ATP6V0A1: variants seen among roughly 807,000 people sequenced by gnomAD.
ATP6V0A1 encodes the protein V-type proton ATPase 116 kDa subunit a 1.
A neutral mutation model predicts 105.4 loss-of-function variants in ATP6V0A1; 43 were observed. The observed-to-expected ratio is 0.41, with a 90% CI of 0.32 to 0.53. ATP6V0A1 has a LOEUF of 0.53. ATP6V0A1 is among the 20% of genes least tolerant of loss of function. ATP6V0A1 has a pLI of 0.30. For missense variants in ATP6V0A1, 676 were observed against 1,051.1 expected (o/e 0.64, Z 4.93); for synonymous variants, 362 against 372.8 (o/e 0.97, Z 0.33).
intron 8 of ATP6V0A1, among the ~76,000 whole-genome samples, chr17:42,482,062 G>A (rs777762097): frequency 2.0e-5 from 3 of 152,132 alleles, no homozygotes; most frequent in South Asian, 2.1e-4. Context: ...GGCTGATCTC[G>A]AACTCCTAAT....
chr17:42,493,367 T>C (rs748430904), intron 11 of ATP6V0A1, among the ~76,000 whole-genome samples: 2 of 152,228 alleles, frequency 1.3e-5, no homozygotes, highest in African/African-American at 2.4e-5. Flanking sequence ...TTTATATCAC[T>C]GGGACATGGT....
intron 2 of ATP6V0A1, among the ~76,000 whole-genome samples, chr17:42,462,852 G>A (rs1280708374): frequency 6.6e-6 from 1 of 150,950 alleles, no homozygotes; most frequent in Non-Finnish European, 1.5e-5. Flanking sequence ...GACTCAAGCG[G>A]TTCTCCTGCC....
At chr17:42,493,050 T>C (rs1309133420) in intron 11 of ATP6V0A1, among the ~76,000 whole-genome samples, 5 of 152,204 alleles carry the variant, frequency 3.3e-5, no homozygotes, top group Admixed American at 6.6e-5. Context: ...GATTCTTTCA[T>C]GTGCCCTCAC....
intron 1 of ATP6V0A1, among the ~76,000 whole-genome samples, chr17:42,459,703 A>G (rs2086181427): frequency 6.6e-6 from 1 of 152,198 alleles, no homozygotes; most frequent in African/African-American, 2.4e-5. Flanking sequence ...GATTTGGATG[A>G]TTCAGATGTA....
intron 7 of ATP6V0A1, among the ~76,000 whole-genome samples, chr17:42,479,290 C>G (rs970818189): frequency 2.0e-5 from 3 of 152,160 alleles, no homozygotes; most frequent in African/African-American, 7.2e-5. Context: ...TGAAATTTTA[C>G]TTGGTAAAGT....
intron 21 of ATP6V0A1, chr17:42,520,553 T>C (rs927558463): frequency 2.2e-6 from 1 of 456,752 alleles, no homozygotes; most frequent in African/African-American, 2.0e-5. Context: ...CTTCCTTAAA[T>C]GGAAAGCCTT....
chr17:42,470,342 G>C (rs112153691), intron 5 of ATP6V0A1, 124 bp downstream of exon 5: 6 of 1,184,386 alleles, frequency 5.1e-6, no homozygotes, highest in Non-Finnish European at 7.2e-6. Flanking sequence ...TTTGCACCCT[G>C]TTTTAGTTAC....
intron 17 of ATP6V0A1, among the ~76,000 whole-genome samples, chr17:42,505,366 C>G (rs952538336): frequency 9.2e-5 from 14 of 152,242 alleles, no homozygotes; most frequent in East Asian, 3.9e-4. Flanking sequence ...CCACCTCCCC[C>G]GGCTAATTTT....
chr17:42,484,793 G>C (rs533971656), intron 9 of ATP6V0A1, among the ~76,000 whole-genome samples: 2 of 151,924 alleles, frequency 1.3e-5, no homozygotes, highest in East Asian at 3.9e-4. Context: ...GGCAGTGGCA[G>C]AATTGTCAGG....
In ATP6V0A1 at chr17:42,473,393, C is replaced by T. The variant is rs563089059; in HGVS notation, c.423+3175C>T. Among the ~76,000 whole-genome samples, 12 of 152,300 alleles carry T rather than the reference C, an allele frequency of 7.9e-5. No individual in the cohort carries two copies. In the South Asian group the frequency reaches 1.9e-3, roughly 24 times the overall value. On this transcript the variant is annotated intron_variant, in intron 5 of 21. Transcript: ENST00000343619. ...TAATGAGCACCTACTTATTGTGAGA[C>T]ACAAGATGAGTAAGACATGGTCCCT...
At chr17:42,514,044 G>A in intron 20 of ATP6V0A1, 66 bp downstream of exon 20, 2 of 1,516,904 alleles carry the variant, frequency 1.3e-6, no homozygotes, top group Non-Finnish European at 9.1e-7. Context: ...GTCAGTTGGG[G>A]GGCTTAAGTC....
chr17:42,485,820 G>C (rs1015616749), intron 9 of ATP6V0A1, among the ~76,000 whole-genome samples: 2 of 152,184 alleles, frequency 1.3e-5, no homozygotes, highest in African/African-American at 4.8e-5. Context: ...GCCTCCCAAA[G>C]TGCTGGGATT....
chr17:42,500,814 C>T lies in ATP6V0A1; in HGVS notation c.1787C>T (p.Ala596Val). ...LVILIFYKWTAYDAHTSENAP... is the reference protein window; with the variant it reads ...LVILIFYKWTVYDAHTSENAP... ...ATCCTTATTTTTTACAAGTGGACGG[C>T]CTATGATGCTCATACCTCTGAGAAT... Residue 596 changes from alanine (A) to valine (V), a missense_variant, in exon 16 of 22, where the codon GCC becomes GTC. This residue lies in a region of ATP6V0A1 where 435 missense variants were observed against 642.2 expected (regional missense o/e 0.68). Coordinates refer to ENST00000343619, the MANE Select transcript of ATP6V0A1 (RefSeq NM_001130021.3). The T allele has an allele frequency of 1.2e-6, 2 of 1,613,916 alleles. No individual in the cohort carries two copies. The highest frequency in any genetic ancestry group is 1.7e-6 in the Non-Finnish European group (2 of 1,179,800).
chr17:42,501,045 A>G (rs952279488), intron 16 of ATP6V0A1, 122 bp downstream of exon 16: 48 of 1,210,844 alleles, frequency 4.0e-5, no homozygotes, highest in Non-Finnish European at 5.7e-5. Context: ...GCTTTGCCAC[A>G]AAATGTGATA....
In ATP6V0A1 at chr17:42,495,699, C is replaced by T. The variant is rs767551542; in HGVS notation, c.1543C>T (p.Pro515Ser). The change falls in exon 14 of 22, where the codon CCT becomes TCT. Residue 515 changes from proline to serine, a missense_variant. This residue lies in a region of ATP6V0A1 where 435 missense variants were observed against 642.2 expected (regional missense o/e 0.68). Coordinates refer to ENST00000343619, the MANE Select transcript of ATP6V0A1 (RefSeq NM_001130021.3). ...ALPGVFGGPY[P>S]FGIDPIWNIA... ...CCCTGGAGTGTTTGGTGGACCATAC[C>T]CTTTTGGCATTGATCCAGTAAGAGG... 79 of 1,613,602 alleles carry T rather than the reference C, an allele frequency of 4.9e-5. No individual in the cohort carries two copies. Among genetic ancestry groups the T allele is most frequent in the Non-Finnish European group, 6.6e-5 (78 of 1,179,686 alleles).
chr17:42,494,613 AGAC>A, intron 12 of ATP6V0A1, 140 bp downstream of exon 12: 1 of 1,064,758 alleles, frequency 9.4e-7, no homozygotes, highest in Non-Finnish European at 1.3e-6. Context: ...TTAACACCAA[AGAC>A]GACATGTGCA....
At chr17:42,517,083 C>A (rs1567875983) in intron 21 of ATP6V0A1, among the ~76,000 whole-genome samples, 1 of 152,110 alleles carries the variant, frequency 6.6e-6, no homozygotes, top group Non-Finnish European at 1.5e-5. Context: ...AGTTCGAGAC[C>A]AGCCTGGACA....
chr17:42,470,004 C>A, intron 4 of ATP6V0A1, 86 bp from the exon 5 acceptor site: 1 of 1,312,378 alleles, frequency 7.6e-7, no homozygotes, highest in Non-Finnish European at 1.0e-6. Context: ...ATCGGCTTGG[C>A]AACAGTTCTG....
chr17:42,511,026 C>A (rs1322228414), intron 19 of ATP6V0A1: 1 of 152,138 alleles, frequency 6.6e-6, no homozygotes, highest in Non-Finnish European at 1.5e-5. Flanking sequence ...AGAAGTTGAT[C>A]TCGGTGTGGT....
Sources: allele counts gnomAD v4.1 joint callset (sites outside exome capture counted in the v4.1 genomes callset), GRCh38; gene constraint gnomAD v4.1.1; regional missense constraint gnomAD v4.1.1; transcripts MANE v1.5; gene names NCBI Gene and HGNC (gene_info 2026-07-23, HGNC 2026-07-21).